ZNF326: variants seen among roughly 807,000 people sequenced by gnomAD.
ZNF326 encodes DBIRD complex subunit ZNF326.
ZNF326 carries 30 observed loss-of-function variants against 63.1 expected under a neutral mutation model. That is an observed-to-expected ratio of 0.48 (90% CI 0.36 to 0.64). The LOEUF is 0.64. ZNF326 is among the 30% of genes least tolerant of loss of function. The pLI is 0.00. For synonymous variants in ZNF326, 194 were observed against 228.2 expected (o/e 0.85, Z 1.35); for missense variants, 609 against 720.3 (o/e 0.85, Z 1.77).
At chr1:90,019,047 T>C (rs1023369098) in intron 9 of ZNF326, among the ~76,000 whole-genome samples, 2 of 152,204 alleles carry the variant, frequency 1.3e-5, no homozygotes, top group African/African-American at 4.8e-5. Flanking sequence ...CTCTGTTCTC[T>C]GTTTCTGTTA....
intron 8 of ZNF326, among the ~76,000 whole-genome samples, chr1:90,017,833 G>A (rs1231964339): frequency 6.6e-6 from 1 of 152,140 alleles, no homozygotes; most frequent in Non-Finnish European, 1.5e-5. Flanking sequence ...GCAGTTAAAT[G>A]ACTGTTAAGT....
At chr1:90,021,688 C>T (rs1453464814) in intron 10 of ZNF326, among the ~76,000 whole-genome samples, 1 of 152,002 alleles carries the variant, frequency 6.6e-6, no homozygotes, top group East Asian at 1.9e-4. Context: ...TAGAACATAC[C>T]CAAGTGTTAA....
At position 90,032,640 on chromosome 1, in the gene ZNF326, C is replaced by T. The variant is rs1009179825; in HGVS notation, c.*4939C>T. The T allele has an allele frequency of 6.6e-6, 1 of 152,172 alleles. No homozygotes were observed. The highest frequency in any genetic ancestry group is 2.4e-5 in the African/African-American group (1 of 41,440). 9.4% of individuals were successfully genotyped at this position (152,172 alleles called of 1,614,324 possible). ...ACCAAGAGAGCCAAGGAACTGACAGCCACATGCCGATGATAATTAAAGAAT... is the reference window on the plus strand; with the variant it reads ...ACCAAGAGAGCCAAGGAACTGACAGTCACATGCCGATGATAATTAAAGAAT... On this transcript the variant is annotated 3_prime_UTR_variant, in exon 12 of 12. Transcript: ENST00000340281.
intron 2 of ZNF326, among the ~76,000 whole-genome samples, chr1:90,001,555 A>AT (rs34759229): frequency 0.86 from 123,948 of 143,932 alleles, 54,360 homozygotes; most frequent in East Asian, 0.97. Context: ...TCAGTTTTTA[A>AT]TTTTTTTTTT....
chr1:90,007,563 C>T lies in ZNF326; in HGVS notation c.428C>T (p.Pro143Leu). 6.2e-7 allele frequency: 1 copy of T among 1,613,770 alleles called. No individual in the cohort carries two copies. The highest frequency in any genetic ancestry group is 8.5e-7 in the Non-Finnish European group (1 of 1,179,878). The change falls in exon 5 of 12, where the codon CCT (proline) becomes CTT (leucine). Residue 143 changes from proline (P) to leucine (L), a missense_variant. Around this residue, in one of 3 missense-constraint regions of ZNF326, gnomAD observed 113 missense variants for 187.4 expected, o/e 0.60. Transcript: ENST00000340281. The surrounding 1 kb of genome is among the most constrained non-coding windows in gnomAD (Gnocchi z 4.9). ...EAPYSRSKLR[P>L]GFMEDRGREN... ...CCTTACTCCCGTTCAAAATTGAGGC[C>T]TGGGTTTATGGAGGACAGAGGAAGA...
At chr1:90,012,631 A>G (rs753347852) in intron 6 of ZNF326, among the ~76,000 whole-genome samples, 2 of 152,208 alleles carry the variant, frequency 1.3e-5, no homozygotes, top group Non-Finnish European at 2.9e-5. Flanking sequence ...TTTAAAAAAG[A>G]GAACAAATTT....
intron 11 of ZNF326, among the ~76,000 whole-genome samples, chr1:90,023,389 T>C (rs185573991): frequency 4.6e-5 from 7 of 152,352 alleles, no homozygotes; most frequent in Admixed American, 3.3e-4. Context: ...AGCTACTCTG[T>C]GAAGAAAACC....
chr1:90,001,130 A>G (rs1010362304), intron 2 of ZNF326, among the ~76,000 whole-genome samples: 7 of 152,142 alleles, frequency 4.6e-5, no homozygotes, highest in Non-Finnish European at 7.4e-5. Flanking sequence ...CTTGGCCTCT[A>G]TAATATGCCA....
At chr1:89,996,663 C>T (rs2703988) in intron 1 of ZNF326, among the ~76,000 whole-genome samples, 4 of 151,304 alleles carry the variant, frequency 2.6e-5, no homozygotes, top group Non-Finnish European at 4.4e-5. Flanking sequence ...CCCTTGAACC[C>T]GGGAGGCGAA....
intron 5 of ZNF326, among the ~76,000 whole-genome samples, chr1:90,009,314 G>A (rs1354161879): frequency 6.6e-6 from 1 of 152,078 alleles, no homozygotes; most frequent in African/African-American, 2.4e-5. Flanking sequence ...TCTTCTAAAA[G>A]TAAGATTAGC....
rs964527675 is a variant in ZNF326, at chr1:90,031,035, A to G, written c.*3334A>G. On this transcript the variant is annotated 3_prime_UTR_variant, in exon 12 of 12. Coordinates refer to ENST00000340281, the MANE Select transcript of ZNF326 (RefSeq NM_182976.4). ...TGGTCAGTGATTGCACTTTGAGGACATTCATAGGGCCCTCATACAAATTTC... is the reference window on the plus strand; with the variant it reads ...TGGTCAGTGATTGCACTTTGAGGACGTTCATAGGGCCCTCATACAAATTTC... The G allele has an allele frequency of 2.0e-5, 3 of 152,232 alleles. No individual in the cohort carries two copies. Among genetic ancestry groups the G allele is most frequent in the African/African-American group, 7.2e-5 (3 of 41,462 alleles). The allele number at this position is 152,232 out of a possible 1,614,324, so 9.4% of individuals were successfully genotyped here.
At chr1:89,998,037 A>G in intron 1 of ZNF326, 73 bp from the exon 2 acceptor site, 2 of 1,376,070 alleles carry the variant, frequency 1.5e-6, no homozygotes, top group South Asian at 1.3e-5. Flanking sequence ...CTTGTTTTTT[A>G]CTGGATCGGC....
At chr1:90,023,101 A>G (rs1458771002) in intron 11 of ZNF326, among the ~76,000 whole-genome samples, 2 of 152,216 alleles carry the variant, frequency 1.3e-5, no homozygotes, top group Non-Finnish European at 2.9e-5. Context: ...CATAAAATTT[A>G]TGATAAACAC....
chr1:90,002,248 A>T (rs1648721988), intron 2 of ZNF326, among the ~76,000 whole-genome samples: 1 of 152,184 alleles, frequency 6.6e-6, no homozygotes, highest in Admixed American at 6.5e-5. Context: ...TTGCTATATA[A>T]AAGTAGCTTT....
intron 2 of ZNF326, among the ~76,000 whole-genome samples, chr1:90,002,215 C>G (rs1331223258): frequency 1.3e-5 from 2 of 152,080 alleles, no homozygotes; most frequent in Non-Finnish European, 2.9e-5. Flanking sequence ...AGTAACATTA[C>G]TATGAACAAT....
chr1:89,995,203 CGCCG>C lies in ZNF326; in HGVS notation c.-51_-48del. ...GGAATCGCGGGTCGCGGACGCTCGC[CGCCG>C]GCCATAGCTCAGCCTAGCGCCGCCA... On this transcript the variant is annotated 5_prime_UTR_variant, in exon 1 of 12. Transcript: ENST00000340281. 1 of 1,525,958 alleles carries C rather than the reference CGCCG, an allele frequency of 6.6e-7. No individual in the cohort carries two copies. The highest frequency in any genetic ancestry group is 1.2e-5 in the South Asian group (1 of 82,592). 94.5% of individuals were successfully genotyped at this position (1,525,958 alleles called of 1,614,324 possible).
chr1:90,003,306 G>A (rs1463098473), intron 2 of ZNF326, among the ~76,000 whole-genome samples: 1 of 151,774 alleles, frequency 6.6e-6, no homozygotes, highest in Non-Finnish European at 1.5e-5. Flanking sequence ...AATTTTTTTT[G>A]TATTTTTAGT....
chr1:90,005,946 A>G, intron 4 of ZNF326: 2 of 985,432 alleles, frequency 2.0e-6, no homozygotes, highest in Non-Finnish European at 1.2e-6. Context: ...TTAAACAACT[A>G]CAAGCTTTAA....
chr1:90,001,531 A>G (rs1212314908), intron 2 of ZNF326, among the ~76,000 whole-genome samples: 1 of 149,032 alleles, frequency 6.7e-6, no homozygotes, highest in African/African-American at 2.5e-5. Context: ...ATAGTTAGTT[A>G]TTTTGGTCAT....
Sources: allele counts gnomAD v4.1 joint callset (sites outside exome capture counted in the v4.1 genomes callset), GRCh38; gene constraint gnomAD v4.1.1; regional missense constraint gnomAD v4.1.1; non-coding constraint Gnocchi (gnomAD v3.1); transcripts MANE v1.5; gene names NCBI Gene and HGNC (gene_info 2026-07-23, HGNC 2026-07-21).